Variants in ARHGAP15 observed in about 807,000 individuals in gnomAD.
ARHGAP15 encodes Rho GTPase activating protein 15.
Under a neutral mutation model 63.7 loss-of-function variants are expected in ARHGAP15, and 51 were observed. The ratio of observed to expected loss-of-function variants is 0.80; its 90% CI spans 0.64 to 1.01. The LOEUF (loss-of-function observed/expected upper bound fraction) is 1.01, where lower values mean the gene tolerates loss of function less well. Ranked by LOEUF, ARHGAP15 falls within the 50% of genes least tolerant of loss-of-function variation. The pLI is 0.00. For missense variants in ARHGAP15, 560 were observed against 564.6 expected, an observed-to-expected ratio of 0.99 and a Z score of 0.08; for synonymous variants, 191 against 193.8, an observed-to-expected ratio of 0.99 and a Z score of 0.12.
intron 12 of ARHGAP15, among the ~76,000 whole-genome samples, chr2:143,662,335 A>C (rs2105326528): frequency 6.7e-6 from 1 of 148,408 alleles, no homozygotes; most frequent in Non-Finnish European, 1.5e-5. Flanking sequence ...GGGTATTCCA[A>C]CAGACCTGCA....
chr2:143,657,069 G>A (rs552381385), intron 12 of ARHGAP15, among the ~76,000 whole-genome samples: 7 of 152,168 alleles, frequency 4.6e-5, no homozygotes, highest in South Asian at 2.1e-4. Flanking sequence ...ATTTGTGGCC[G>A]AGCGTGGTGG....
chr2:143,289,611 A>G lies in ARHGAP15; in HGVS notation c.474+39011A>G, dbSNP rs370972657. On this transcript the variant is annotated intron_variant, in intron 6 of 13. Coordinates refer to ENST00000295095, the MANE Select transcript of ARHGAP15 (RefSeq NM_018460.4). ...AGAGATTCAAAGCTTCTTCCTGCTT[A>G]TCCCACCCAGATGTGCCCAGGAATT... Among the ~76,000 whole-genome samples, 61 of 152,340 alleles carry G rather than the reference A, an allele frequency of 4.0e-4. 1 individual carries two copies. In the South Asian group the frequency reaches 0.012, roughly 30 times the overall value.
At chr2:143,516,142 C>A (rs1007179167) in intron 9 of ARHGAP15, among the ~76,000 whole-genome samples, 1 of 152,162 alleles carries the variant, frequency 6.6e-6, no homozygotes, top group East Asian at 1.9e-4. Flanking sequence ...AATGTTCTTA[C>A]CTGTTTACTT....
chr2:143,658,612 A>G (rs537723856), intron 12 of ARHGAP15, among the ~76,000 whole-genome samples: 3 of 152,290 alleles, frequency 2.0e-5, no homozygotes, highest in Admixed American at 6.5e-5. Flanking sequence ...TGGGGATTCA[A>G]AGATGGAGAT....
chr2:143,559,916 T>G (rs1695955053), intron 11 of ARHGAP15, among the ~76,000 whole-genome samples: 1 of 152,262 alleles, frequency 6.6e-6, no homozygotes, highest in Non-Finnish European at 1.5e-5. Flanking sequence ...ATTTTATTCC[T>G]TCTTTATTCA....
At chr2:143,318,484 A>G (rs1263995917) in intron 6 of ARHGAP15, among the ~76,000 whole-genome samples, 2 of 137,106 alleles carry the variant, frequency 1.5e-5, no homozygotes, top group East Asian at 2.1e-4. Context: ...AGAAAAAGCC[A>G]TCACTTCACT....
chr2:143,215,731 G>A (rs1462777559), intron 3 of ARHGAP15, among the ~76,000 whole-genome samples: 4 of 152,152 alleles, frequency 2.6e-5, no homozygotes, highest in East Asian at 1.9e-4. Flanking sequence ...CAAAACCTCC[G>A]CAAACACTTC....
intron 6 of ARHGAP15, among the ~76,000 whole-genome samples, chr2:143,292,280 T>C (rs1682438734): frequency 6.6e-6 from 1 of 152,156 alleles, no homozygotes; most frequent in Non-Finnish European, 1.5e-5. Context: ...AGTTTTTATA[T>C]AAGTGTTGCT....
At chr2:143,767,153 T>G (rs2105563812) in intron 13 of ARHGAP15, among the ~76,000 whole-genome samples, 2 of 152,354 alleles carry the variant, frequency 1.3e-5, no homozygotes, top group Admixed American at 1.3e-4. Context: ...CCCACTCTTC[T>G]GAATTTTAAT....
rs567696503 is a variant in ARHGAP15 at position 143,701,328 on chromosome 2, A to G, written c.1139-2091A>G. 1.1e-4 allele frequency among the ~76,000 whole-genome samples: 17 copies of G among 152,264 alleles called. No individual in the cohort carries two copies. In the South Asian group the frequency reaches 2.7e-3, roughly 24 times the overall value. ...CTACTGTCATAAAGTTTATATATCT[A>G]TTGAATTGGACTTTTGTAAGTACAT... On this transcript the variant is annotated intron_variant, in intron 12 of 13. Transcript: ENST00000295095.
chr2:143,569,429 A>G (rs1351426101), intron 11 of ARHGAP15, among the ~76,000 whole-genome samples: 1 of 152,154 alleles, frequency 6.6e-6, no homozygotes, highest in Admixed American at 6.6e-5. Flanking sequence ...TGATTAGATG[A>G]CCTGAGAAGG....
At chr2:143,471,817 T>G (rs190564328) in intron 8 of ARHGAP15, among the ~76,000 whole-genome samples, 1 of 152,252 alleles carries the variant, frequency 6.6e-6, no homozygotes, top group Admixed American at 6.5e-5. Flanking sequence ...TTTGAATGCT[T>G]ACCCAGGAGA....
intron 13 of ARHGAP15, among the ~76,000 whole-genome samples, chr2:143,767,627 A>G (rs144183488): frequency 6.6e-6 from 1 of 152,198 alleles, no homozygotes; most frequent in African/African-American, 2.4e-5. Flanking sequence ...GTTCTTATAT[A>G]TATATTTTTT....
At chr2:143,198,446 A>C (rs548965188) in intron 2 of ARHGAP15, among the ~76,000 whole-genome samples, 22 of 152,016 alleles carry the variant, frequency 1.4e-4, no homozygotes, top group Admixed American at 7.9e-4. Flanking sequence ...TAAATTACTT[A>C]TTTAATTATA....
chr2:143,701,468 T>A (rs1399759511), intron 12 of ARHGAP15, among the ~76,000 whole-genome samples: 1 of 152,184 alleles, frequency 6.6e-6, no homozygotes, highest in African/African-American at 2.4e-5. Flanking sequence ...GCGTGGTGGC[T>A]TATACCTGTA....
intron 1 of ARHGAP15, among the ~76,000 whole-genome samples, chr2:143,141,676 T>G (rs2104989699): frequency 6.6e-6 from 1 of 152,312 alleles, no homozygotes; most frequent in Non-Finnish European, 1.5e-5. Flanking sequence ...TGTGAATGTC[T>G]GACGATCCTC....
intron 6 of ARHGAP15, among the ~76,000 whole-genome samples, chr2:143,288,562 T>C (rs1440959324): frequency 6.6e-6 from 1 of 152,070 alleles, no homozygotes; most frequent in Non-Finnish European, 1.5e-5. Flanking sequence ...TTCTGTGCTG[T>C]GTACATTTTC....
Position 143,382,815 on chromosome 2 carries a change from G to A in ARHGAP15, c.475-52786G>A, listed in dbSNP as rs116415475. Among the ~76,000 whole-genome samples, 1,191 of 152,248 alleles carry A rather than the reference G, an allele frequency of 7.8e-3. 12 individuals carry two copies. The highest frequency in any genetic ancestry group is 0.026 in the African/African-American group (1,091 of 41,538). On this transcript the variant is annotated intron_variant, in intron 6 of 13. Coordinates refer to ENST00000295095, the MANE Select transcript of ARHGAP15 (RefSeq NM_018460.4). ...TCTGTGCTGTTCACTTGCTCTCTTG[G>A]TTTGAGAGTTCCCGTAGCAGAAAAG...
intron 3 of ARHGAP15, among the ~76,000 whole-genome samples, chr2:143,204,052 G>A (rs1009231306): frequency 2.0e-5 from 3 of 152,026 alleles, no homozygotes. Context: ...AACACTAAAA[G>A]TCATCTTCCC....
Sources: allele counts gnomAD v4.1 joint callset (sites outside exome capture counted in the v4.1 genomes callset), GRCh38; gene constraint gnomAD v4.1.1; transcripts MANE v1.5; gene names NCBI Gene and HGNC (gene_info 2026-07-23, HGNC 2026-07-21).